MAGI1: variants seen among roughly 807,000 people sequenced by gnomAD.
MAGI1 encodes membrane-associated guanylate kinase, WW and PDZ domain-containing protein 1.
Under a neutral mutation model 139.9 loss-of-function variants are expected in MAGI1, and 58 were observed. The ratio of observed to expected loss-of-function variants is 0.41; its 90% CI spans 0.34 to 0.52. MAGI1 has a LOEUF of 0.52. Ranked by LOEUF, MAGI1 falls within the 20% of genes least tolerant of loss-of-function variation. The pLI is 0.12. For missense variants in MAGI1, 1,874 were observed against 1,901.6 expected (o/e 0.99, Z 0.27); for synonymous variants, 812 against 737.9 (o/e 1.10, Z -1.63).
chr3:66,011,310 C>T (rs1187274685), intron 1 of MAGI1, among the ~76,000 whole-genome samples: 21 of 152,100 alleles, frequency 1.4e-4, no homozygotes, highest in Non-Finnish European at 1.5e-4. Context: ...CCTAGAGCGA[C>T]GAAAAGATAG....
At chr3:65,702,751 A>G (rs1576804055) in intron 1 of MAGI1, among the ~76,000 whole-genome samples, 1 of 152,136 alleles carries the variant, frequency 6.6e-6, no homozygotes, top group African/African-American at 2.4e-5. Context: ...TGTTTTACTT[A>G]CTTATCTCCT....
At chr3:65,461,487 CTT>C (rs537543064) in intron 5 of MAGI1, among the ~76,000 whole-genome samples, 6 of 101,938 alleles carry the variant, frequency 5.9e-5, no homozygotes, top group African/African-American at 3.9e-5. Context: ...TGTTTCTTGA[CTT>C]TTTTTTTTTT....
At chr3:65,368,073 C>T (rs1384456470) in intron 18 of MAGI1, among the ~76,000 whole-genome samples, 1 of 152,080 alleles carries the variant, frequency 6.6e-6, no homozygotes, top group Admixed American at 6.6e-5. Flanking sequence ...ATTGTATTTG[C>T]TGAAATGCTC....
intron 2 of MAGI1, among the ~76,000 whole-genome samples, chr3:65,552,760 G>C (rs74545580): frequency 4.6e-5 from 7 of 152,274 alleles, no homozygotes; most frequent in African/African-American, 1.7e-4. Flanking sequence ...GCCTACAGAG[G>C]GAAGTTTAGG....
At chr3:65,469,708 A>C (rs768941798) in intron 5 of MAGI1, 9 of 151,916 alleles carry the variant, frequency 5.9e-5, no homozygotes, top group Non-Finnish European at 1.2e-4. Flanking sequence ...TTGACTAAAA[A>C]GAAAACTGAT....
intron 1 of MAGI1, among the ~76,000 whole-genome samples, chr3:65,916,012 A>G (rs1303979320): frequency 2.0e-5 from 3 of 148,806 alleles, no homozygotes; most frequent in East Asian, 3.9e-4. Flanking sequence ...ATTTATATAC[A>G]TATAATTTAT....
intron 1 of MAGI1, among the ~76,000 whole-genome samples, chr3:65,813,913 A>G (rs1009770629): frequency 6.6e-6 from 1 of 152,184 alleles, no homozygotes; most frequent in African/African-American, 2.4e-5. Flanking sequence ...ACCTTGCAGG[A>G]GTAATGAATG....
At chr3:65,535,640 A>C (rs1407898457) in intron 2 of MAGI1, among the ~76,000 whole-genome samples, 3 of 152,272 alleles carry the variant, frequency 2.0e-5, no homozygotes, top group Non-Finnish European at 4.4e-5. Flanking sequence ...TAATGGAATG[A>C]AACTATCAAT....
At chr3:65,523,573 C>G (rs2078254218) in intron 2 of MAGI1, among the ~76,000 whole-genome samples, 1 of 152,180 alleles carries the variant, frequency 6.6e-6, no homozygotes, top group South Asian at 2.1e-4. Context: ...CCACTAGTCT[C>G]TGTTTCACAT....
chr3:65,399,403 T>C (rs1575610721), intron 13 of MAGI1, among the ~76,000 whole-genome samples: 1 of 152,176 alleles, frequency 6.6e-6, no homozygotes, highest in Non-Finnish European at 1.5e-5. Context: ...TGATCACAGA[T>C]GTTAGCAGCA....
At chr3:65,540,583 C>T (rs2079163178) in intron 2 of MAGI1, among the ~76,000 whole-genome samples, 1 of 152,180 alleles carries the variant, frequency 6.6e-6, no homozygotes, top group South Asian at 2.1e-4. Context: ...ATTTTTGATA[C>T]TGCAGGTTGC....
At chr3:65,884,117 C>T (rs574507442) in intron 1 of MAGI1, among the ~76,000 whole-genome samples, 1 of 152,304 alleles carries the variant, frequency 6.6e-6, no homozygotes, top group South Asian at 2.1e-4. Flanking sequence ...AAGAAACCAA[C>T]CACAGGTTTT....
At chr3:65,767,466 A>AAAAT (rs567194596) in intron 1 of MAGI1, among the ~76,000 whole-genome samples, 69 of 152,112 alleles carry the variant, frequency 4.5e-4, no homozygotes, top group Non-Finnish European at 6.9e-4. Flanking sequence ...AGAAAAAAGA[A>AAAAT]AAATAAATAA....
intron 2 of MAGI1, among the ~76,000 whole-genome samples, chr3:65,612,278 C>A (rs4407359): frequency 0.42 from 63,920 of 151,674 alleles, 14,026 homozygotes; most frequent in Non-Finnish European, 0.49. Context: ...ACAAATAACA[C>A]CATACACACT....
At chr3:65,951,239 G>C (rs1386673746) in intron 1 of MAGI1, among the ~76,000 whole-genome samples, 5 of 152,126 alleles carry the variant, frequency 3.3e-5, no homozygotes. Context: ...GGTCCAATAT[G>C]GTAACCCCCA....
chr3:65,965,231 G>C lies in MAGI1; in HGVS notation c.313+72765C>G, dbSNP rs187073242. ...CAAACTCCGAGGATCATTTAATTCA[G>C]TGTTCAAAAGAACTTCCATCATTTG... On this transcript the variant is annotated intron_variant, in intron 1 of 22. Coordinates refer to ENST00000402939, the MANE Select transcript of MAGI1 (RefSeq NM_001033057.2). 1.4e-3 allele frequency among the ~76,000 whole-genome samples: 215 copies of C among 152,316 alleles called. 1 individual carries two copies. Among genetic ancestry groups the C allele is most frequent in the Middle Eastern group, 3.4e-3 (1 of 294 alleles).
rs2061617768 is a variant in MAGI1 at position 65,910,604 on chromosome 3, C to T, written c.313+127392G>A. 1.3e-5 allele frequency among the ~76,000 whole-genome samples: 2 copies of T among 152,070 alleles called. 1 individual carries two copies. The highest frequency in any genetic ancestry group is 4.1e-4 in the South Asian group (2 of 4,826). ...ATAGCTGGGAAAGTGATCATCTAAT[C>T]TGAGAAAAGAGTCACTACTACTTAT... is the stretch of plus-strand genomic sequence containing the variant. On this transcript the variant is annotated intron_variant, in intron 1 of 22. Coordinates refer to ENST00000402939, the MANE Select transcript of MAGI1 (RefSeq NM_001033057.2).
chr3:65,893,189 T>G (rs1221443148), intron 1 of MAGI1, among the ~76,000 whole-genome samples: 1 of 152,138 alleles, frequency 6.6e-6, no homozygotes, highest in East Asian at 1.9e-4. Context: ...CCTTCATCCC[T>G]TCTTCTCTAC....
chr3:65,968,076 G>T (rs568703979), intron 1 of MAGI1, among the ~76,000 whole-genome samples: 4 of 152,234 alleles, frequency 2.6e-5, no homozygotes, highest in African/African-American at 7.2e-5. Context: ...TAGGTCTAAG[G>T]GAAGCAAGTA....
Sources: gnomAD v4.1 joint callset for allele counts (sites outside exome capture counted in the v4.1 genomes callset) on GRCh38, gnomAD v4.1.1 for gene constraint, MANE v1.5 for transcripts, NCBI Gene and HGNC (gene_info 2026-07-23, HGNC 2026-07-21) for gene names.